Variants in SH3KBP1 observed in about 807,000 individuals in gnomAD.
SH3KBP1 encodes SH3 domain-containing kinase-binding protein 1.
Under a neutral mutation model 50.1 loss-of-function variants are expected in SH3KBP1, and 8 were observed. The ratio of observed to expected loss-of-function variants is 0.16; its 90% CI spans 0.09 to 0.29. The LOEUF is 0.29. Ranked by LOEUF, SH3KBP1 falls within the 10% of genes least tolerant of loss-of-function variation. The pLI is 1.00. For missense variants in SH3KBP1, 377 were observed against 535.2 expected (o/e 0.70, Z 2.92); for synonymous variants, 227 against 218.6 (o/e 1.04, Z -0.34).
chrX:19,782,740 T>G (rs2066218794), intron 2 of SH3KBP1, among the ~76,000 whole-genome samples: 1 of 111,818 alleles, frequency 8.9e-6, no homozygotes, highest in Non-Finnish European at 1.9e-5. Flanking sequence ...CTCAGCTCTC[T>G]CTTTCACTGT....
intron 7 of SH3KBP1, among the ~76,000 whole-genome samples, chrX:19,639,081 C>T (rs1411259865): frequency 9.0e-6 from 1 of 111,656 alleles, no homozygotes; most frequent in Non-Finnish European, 1.9e-5. Context: ...CGCCCACCAA[C>T]AGACAATGAT....
At chrX:19,564,097 AG>A (rs1227070704) in intron 13 of SH3KBP1, among the ~76,000 whole-genome samples, 2 of 111,967 alleles carry the variant, frequency 1.8e-5, no homozygotes, top group African/African-American at 6.5e-5. Flanking sequence ...TGGCTCCAAA[AG>A]GGGAAGTTTA....
At chrX:19,863,471 G>A (rs1007636794) in intron 1 of SH3KBP1, among the ~76,000 whole-genome samples, 4 of 112,396 alleles carry the variant, frequency 3.6e-5, no homozygotes, top group African/African-American at 6.5e-5. Context: ...ATGGGACCGT[G>A]GGAAAGGATG....
intron 6 of SH3KBP1, among the ~76,000 whole-genome samples, chrX:19,669,868 T>C (rs1280034231): frequency 9.3e-6 from 1 of 107,563 alleles, no homozygotes; most frequent in East Asian, 2.8e-4. Context: ...GTTAAAACAA[T>C]GTGTTTCCTT....
At chrX:19,778,154 C>T (rs1050486570) in intron 2 of SH3KBP1, among the ~76,000 whole-genome samples, 2 of 111,339 alleles carry the variant, frequency 1.8e-5, no homozygotes, top group African/African-American at 3.3e-5. Context: ...AAAATTCGGC[C>T]GGGTGCGGTG....
chrX:19,588,404 C>T (rs2066633521), intron 12 of SH3KBP1: 1 of 1,121,346 alleles, frequency 8.9e-7, no homozygotes, highest in East Asian at 3.4e-5. Flanking sequence ...TGCTGGGTAC[C>T]CAGTCCTCAT....
At chrX:19,786,889 A>T (rs1773644533) in intron 2 of SH3KBP1, among the ~76,000 whole-genome samples, 1 of 112,284 alleles carries the variant, frequency 8.9e-6, no homozygotes, top group African/African-American at 3.2e-5. Context: ...GTATTCTACT[A>T]TATGGATGTA....
chrX:19,541,790 A>C (rs986898599), intron 16 of SH3KBP1, 135 bp downstream of exon 16: 13 of 694,866 alleles, frequency 1.9e-5, no homozygotes, highest in Non-Finnish European at 2.4e-5. Context: ...ACGCACTCCC[A>C]CCATTGCTGC....
At chrX:19,722,391 C>A (rs762769181) in intron 3 of SH3KBP1, among the ~76,000 whole-genome samples, 4 of 111,995 alleles carry the variant, frequency 3.6e-5, no homozygotes, top group African/African-American at 1.3e-4. Context: ...CTACTTTTCT[C>A]TCCCTTTTCT....
intron 2 of SH3KBP1, among the ~76,000 whole-genome samples, chrX:19,774,004 T>C (rs887152979): frequency 2.7e-5 from 3 of 109,463 alleles, no homozygotes; most frequent in African/African-American, 1.0e-4. Context: ...GAGAACACCC[T>C]GTCACCCTTT....
At chrX:19,773,483 T>TCACACA (rs1255632137) in intron 2 of SH3KBP1, among the ~76,000 whole-genome samples, 3 of 94,633 alleles carry the variant, frequency 3.2e-5, no homozygotes, top group Non-Finnish European at 6.1e-5. Flanking sequence ...TCTCTCTCTC[T>TCACACA]CACACACACA....
At chrX:19,811,019 A>G (rs1005566388) in intron 2 of SH3KBP1, among the ~76,000 whole-genome samples, 5 of 112,197 alleles carry the variant, frequency 4.5e-5, no homozygotes, top group Non-Finnish European at 3.8e-5. Flanking sequence ...CCAGAGCCCA[A>G]TGTCATAATC....
At chrX:19,668,975 T>TATATATA (rs1569405153) in intron 6 of SH3KBP1, among the ~76,000 whole-genome samples, 23 of 66,571 alleles carry the variant, frequency 3.5e-4, no homozygotes, top group South Asian at 1.6e-3. Flanking sequence ...TATATATATA[T>TATATATA]TTTTTGAGAC....
intron 1 of SH3KBP1, among the ~76,000 whole-genome samples, chrX:19,863,981 G>C (rs1384575361): frequency 1.8e-5 from 2 of 110,700 alleles, no homozygotes; most frequent in Non-Finnish European, 3.8e-5. Flanking sequence ...TCATCCCCCT[G>C]CTTCCTCATT....
rs777975208 is a variant in SH3KBP1 at position 19,550,686 on chromosome X, G to A, written c.1385-603C>T. On this transcript the variant is annotated intron_variant, in intron 13 of 17. Transcript: ENST00000397821. Reference sequence around the variant, plus strand: ...AAGTGAGAAGGCCTTTTGTGTTGCTGTTCCTCTTCTTTCCTGCTTGGGATG... The same window carrying A: ...AAGTGAGAAGGCCTTTTGTGTTGCTATTCCTCTTCTTTCCTGCTTGGGATG... Among the ~76,000 whole-genome samples, 6 of 111,288 alleles carry A rather than the reference G, an allele frequency of 5.4e-5. No homozygotes were observed. In the South Asian group the frequency reaches 2.3e-3, roughly 42 times the overall value.
intron 13 of SH3KBP1, among the ~76,000 whole-genome samples, chrX:19,550,862 T>C (rs2065218544): frequency 9.0e-6 from 1 of 110,818 alleles, no homozygotes; most frequent in Non-Finnish European, 1.9e-5. Context: ...TGCCCAGACT[T>C]CTTGCCATGT....
Position 19,874,068 on chromosome X carries a change from A to AAT in SH3KBP1, c.4+13237_4+13238dup, listed in dbSNP as rs1412019430. On this transcript the variant is annotated intron_variant, in intron 1 of 17. Transcript: ENST00000397821. ...CATCTCAAAAAAAAAAAAAAAAAAA[A>AAT]ATATATATATATATATATAAAACTC... 7.3e-3 allele frequency among the ~76,000 whole-genome samples: 416 copies of AAT among 56,860 alleles called. 5 individuals are homozygous for AAT. The highest frequency in any genetic ancestry group is 0.015 in the African/African-American group (95 of 6,266). 49.4% of individuals were successfully genotyped at this position (56,860 alleles called of 115,157 possible).
chrX:19,698,918 G>T (rs1040496836), intron 4 of SH3KBP1, among the ~76,000 whole-genome samples: 2 of 110,234 alleles, frequency 1.8e-5, no homozygotes, highest in African/African-American at 6.7e-5. Context: ...TGAATGAATG[G>T]CAGAGACATT....
At chrX:19,773,595 G>A (rs1264408447) in intron 2 of SH3KBP1, among the ~76,000 whole-genome samples, 3 of 109,185 alleles carry the variant, frequency 2.7e-5, no homozygotes, top group Non-Finnish European at 3.8e-5. Context: ...AGCGGCTCAC[G>A]CCTGTCATCC....
Sources: gnomAD v4.1 joint callset for allele counts (sites outside exome capture counted in the v4.1 genomes callset) on GRCh38, gnomAD v4.1.1 for gene constraint, MANE v1.5 for transcripts, NCBI Gene and HGNC (gene_info 2026-07-23, HGNC 2026-07-21) for gene names.